The following TMC1 variants were observed in gnomAD, a reference collection of about 807,000 sequenced individuals.
TMC1 encodes the protein transmembrane channel like 1, also known as transmembrane channel-like protein 1.
Under a neutral mutation model 105.8 loss-of-function variants are expected in TMC1, and 84 were observed. That is an observed-to-expected ratio of 0.79 (90% CI 0.67 to 0.95). The LOEUF (loss-of-function observed/expected upper bound fraction) is 0.95, where lower values mean the gene tolerates loss of function less well. Ranked by LOEUF, TMC1 falls within the 40% of genes least tolerant of loss-of-function variation. TMC1 has a pLI of 0.00. For synonymous variants in TMC1, 315 were observed against 311.5 expected (o/e 1.01, Z -0.12); for missense variants, 817 against 914.1 (o/e 0.89, Z 1.37).
intron 10 of TMC1, among the ~76,000 whole-genome samples, chr9:72,750,284 T>C (rs1346846089): frequency 6.6e-6 from 1 of 152,176 alleles, no homozygotes; most frequent in Admixed American, 6.5e-5. Flanking sequence ...CAGAAAATCA[T>C]TGGTCAATAG....
At chr9:72,741,304 AG>A (rs1827386051) in intron 9 of TMC1, 1 of 320,658 alleles carries the variant, frequency 3.1e-6, no homozygotes, top group Non-Finnish European at 5.8e-6. Context: ...TCCACCTTAT[AG>A]TATTTCAGGA....
In TMC1 at chr9:72,821,173, C is replaced by T; in HGVS notation, c.2003+92C>T. The T allele has an allele frequency of 1.9e-6, 3 of 1,581,346 alleles. No homozygotes were observed. In the South Asian group the frequency reaches 3.3e-5, roughly 18 times the overall value. On this transcript the variant is annotated intron_variant, in intron 20 of 23. Transcript: ENST00000297784. Reference sequence around the variant, plus strand: ...TCATTGTATAAGCTATTTTTTCCCCCCAAACAATGACATTTTTGGTTGGTG... The same window carrying T: ...TCATTGTATAAGCTATTTTTTCCCCTCAAACAATGACATTTTTGGTTGGTG...
intron 2 of TMC1, among the ~76,000 whole-genome samples, chr9:72,588,224 C>CT (rs913295440): frequency 1.5e-4 from 23 of 152,206 alleles, no homozygotes; most frequent in African/African-American, 4.3e-4. Context: ...ACTCCTGTCA[C>CT]TTTGCTTACT....
chr9:72,708,004 T>A (rs1192421077), intron 8 of TMC1, among the ~76,000 whole-genome samples: 1 of 152,194 alleles, frequency 6.6e-6, no homozygotes, highest in South Asian at 2.1e-4. Context: ...CAGCAACATT[T>A]GTTGAATGAA....
At chr9:72,630,857 A>G (rs1333345899) in intron 4 of TMC1, among the ~76,000 whole-genome samples, 1 of 146,136 alleles carries the variant, frequency 6.8e-6, no homozygotes, top group African/African-American at 2.5e-5. Context: ...ATTTTTATAC[A>G]TTTTTCACTT....
chr9:72,712,885 A>AACTGGAAGTTTTGCCAAC (rs1253020246), intron 8 of TMC1, among the ~76,000 whole-genome samples: 5 of 152,180 alleles, frequency 3.3e-5, no homozygotes, highest in African/African-American at 1.2e-4. Flanking sequence ...GTTTTTGCCC[A>AACTGGAAGTTTTGCCAAC]TTCAGTATGA....
chr9:72,753,834 T>C (rs908959846), intron 11 of TMC1, among the ~76,000 whole-genome samples: 1 of 152,168 alleles, frequency 6.6e-6, no homozygotes, highest in African/African-American at 2.4e-5. Flanking sequence ...GCCTGAGACC[T>C]TGATCTCCTT....
At chr9:72,684,601 T>C (rs914808067) in intron 5 of TMC1, among the ~76,000 whole-genome samples, 2 of 152,210 alleles carry the variant, frequency 1.3e-5, no homozygotes, top group African/African-American at 4.8e-5. Context: ...GATAATTCCC[T>C]AATTCATATT....
rs140730947 is a variant in TMC1, at chr9:72,523,785, G to C, written c.-428+1872G>C. 2.3e-3 allele frequency among the ~76,000 whole-genome samples: 351 copies of C among 152,140 alleles called. 3 individuals carry two copies. The highest frequency in any genetic ancestry group is 8.0e-3 in the African/African-American group (332 of 41,510). ...GAGTGGACCCATGCAGTTCAAACCT[G>C]ACTTGTTCAGAGTCAACTGTACTTG... On this transcript the variant is annotated intron_variant, in intron 1 of 23. Coordinates refer to ENST00000297784, the MANE Select transcript of TMC1 (RefSeq NM_138691.3).
intron 1 of TMC1, among the ~76,000 whole-genome samples, chr9:72,538,394 C>CTTGTCTTGTATTGTA (rs1554709808): frequency 2.1e-5 from 3 of 143,778 alleles, no homozygotes; most frequent in Admixed American, 7.0e-5. Context: ...GGATAAAATA[C>CTTGTCTTGTATTGTA]TTGTATTGTA....
intron 1 of TMC1, among the ~76,000 whole-genome samples, chr9:72,522,404 T>C (rs1823329012): frequency 6.6e-6 from 1 of 152,196 alleles, no homozygotes; most frequent in South Asian, 2.1e-4. Context: ...CCTGGCCTAA[T>C]TGATATGTTT....
chr9:72,777,135 C>T (rs1436293570), intron 13 of TMC1, among the ~76,000 whole-genome samples: 1 of 152,172 alleles, frequency 6.6e-6, no homozygotes, highest in Non-Finnish European at 1.5e-5. Flanking sequence ...TTTCTTCCTT[C>T]TACTTAGATG....
rs115899219 is a variant in TMC1 at position 72,556,439 on chromosome 9, A to G, written c.-427-21463A>G. On this transcript the variant is annotated intron_variant, in intron 1 of 23. Transcript: ENST00000297784. ...GCTTACTTGTGAAATTAAAGCTTCA[A>G]CTTTTACTCCTTAGGAACGTCTCAC... 3.0e-3 allele frequency among the ~76,000 whole-genome samples: 451 copies of G among 152,036 alleles called. 2 individuals carry two copies. Among genetic ancestry groups the G allele is most frequent in the African/African-American group, 0.01 (431 of 41,484 alleles).
intron 13 of TMC1, among the ~76,000 whole-genome samples, 162 bp downstream of exon 13, chr9:72,772,717 TA>T (rs1827950659): frequency 6.6e-6 from 1 of 152,224 alleles, no homozygotes; most frequent in Non-Finnish European, 1.5e-5. Flanking sequence ...AATGTTAGAC[TA>T]TTACATCTTC....
chr9:72,802,815 T>C (rs1342782356), intron 17 of TMC1, among the ~76,000 whole-genome samples: 1 of 152,120 alleles, frequency 6.6e-6, no homozygotes, highest in Admixed American at 6.5e-5. Flanking sequence ...CCCAAAATAA[T>C]TTATAGATTC....
intron 4 of TMC1, among the ~76,000 whole-genome samples, chr9:72,629,519 G>C (rs1250636049): frequency 6.6e-6 from 1 of 152,148 alleles, no homozygotes; most frequent in Non-Finnish European, 1.5e-5. Context: ...AATGCAGAAT[G>C]TTAGGTGCAA....
intron 23 of TMC1, among the ~76,000 whole-genome samples, chr9:72,831,756 A>G (rs1270568100): frequency 1.3e-5 from 2 of 152,064 alleles, no homozygotes; most frequent in African/African-American, 4.8e-5. Flanking sequence ...GTCCCTACAA[A>G]GGACATGAAC....
At chr9:72,535,127 C>T (rs1434587927) in intron 1 of TMC1, among the ~76,000 whole-genome samples, 1 of 151,960 alleles carries the variant, frequency 6.6e-6, no homozygotes, top group African/African-American at 2.4e-5. Flanking sequence ...CTATATTTAT[C>T]ATGGATGAAG....
chr9:72,534,580 A>G (rs1056645086), intron 1 of TMC1, among the ~76,000 whole-genome samples: 3 of 152,240 alleles, frequency 2.0e-5, no homozygotes, highest in Admixed American at 6.5e-5. Flanking sequence ...ATCTGAATCT[A>G]TATATTATTT....
Sources: gnomAD v4.1 joint callset for allele counts (sites outside exome capture counted in the v4.1 genomes callset) on GRCh38, gnomAD v4.1.1 for gene constraint, MANE v1.5 for transcripts, NCBI Gene and HGNC (gene_info 2026-07-23, HGNC 2026-07-21) for gene names.